GRTP1: variants seen among roughly 807,000 people sequenced by gnomAD.
GRTP1 encodes growth hormone-regulated TBC protein 1.
Under a neutral mutation model 38.1 loss-of-function variants are expected in GRTP1, and 56 were observed. The observed-to-expected ratio is 1.47, with a 90% CI of 1.19 to 1.84. The LOEUF (loss-of-function observed/expected upper bound fraction) is 1.84. Ranked by LOEUF, GRTP1 falls within the 40% of genes most tolerant of loss-of-function variation. The pLI is 0.00. For missense variants in GRTP1, 506 were observed against 453.9 expected (o/e 1.11, Z -1.04); for synonymous variants, 217 against 189.5 (o/e 1.14, Z -1.19).
chr13:113,350,120 G>A (rs1418514286), intron 4 of GRTP1, among the ~76,000 whole-genome samples: 1 of 152,052 alleles, frequency 6.6e-6, no homozygotes, highest in Non-Finnish European at 1.5e-5. Context: ...CCCTGCCCTC[G>A]GCGAGCTCAG....
intron 4 of GRTP1, among the ~76,000 whole-genome samples, chr13:113,350,081 C>T (rs1566435209): frequency 1.3e-5 from 2 of 152,108 alleles, no homozygotes; most frequent in Non-Finnish European, 2.9e-5. Context: ...TGGAAACCCT[C>T]GTGGAGGCCA....
chr13:113,332,845 G>C (rs1405927452), intron 5 of GRTP1, among the ~76,000 whole-genome samples: 6 of 152,208 alleles, frequency 3.9e-5, no homozygotes, highest in Admixed American at 3.3e-4. Context: ...AGGACTCAGG[G>C]GCCAACCAGA....
Position 113,347,600 on chromosome 13 carries a change from C to G in GRTP1, c.466-2641G>C, listed in dbSNP as rs1595499421. On this transcript the variant is annotated intron_variant, in intron 4 of 7. Coordinates refer to ENST00000375431, the MANE Select transcript of GRTP1 (RefSeq NM_024719.4). ...AGGACCTCTGTGGCTGAGAACAGAC[C>G]CGGGAGGACCTCTGTGGCTGAGAGC... Among the ~76,000 whole-genome samples the G allele has an allele frequency of 4.0e-5, 3 of 74,324 alleles. 1 individual carries two copies. Among genetic ancestry groups the G allele is most frequent in the Admixed American group, 3.3e-4 (3 of 9,026 alleles). The allele number at this position is 74,324 out of a possible 152,430, so 48.8% of individuals were successfully genotyped here. A position where few individuals can be genotyped will look rare whatever the true frequency, so the allele number is the denominator to read the frequency against.
At chr13:113,326,374 C>G (rs1459030226) in intron 5 of GRTP1, among the ~76,000 whole-genome samples, 9 of 662 alleles carry the variant, frequency 0.014, no homozygotes, top group East Asian at 0.059. Flanking sequence ...GAGGGTGGCG[C>G]GGTGGGGGGG....
intron 3 of GRTP1, among the ~76,000 whole-genome samples, chr13:113,352,337 T>TTA (rs369351829): frequency 1.9e-3 from 99 of 51,532 alleles, no homozygotes; most frequent in Non-Finnish European, 2.8e-3. Context: ...TATATATATT[T>TTA]TATATATATA....
Position 113,364,110 on chromosome 13 carries a change from C to T in GRTP1, c.-59G>A. The stretch of plus-strand genomic sequence containing the variant: ...CGGGTCCCAAGTTCGCCTCCCGGCT[C>T]CGGGGCGCTTAAGTCCTTCCGGCGG... On this transcript the variant is annotated 5_prime_UTR_variant, in exon 1 of 8. Coordinates refer to ENST00000375431, the MANE Select transcript of GRTP1 (RefSeq NM_024719.4). 1 of 1,208,940 alleles carries T rather than the reference C, an allele frequency of 8.3e-7. No homozygotes were observed. The highest frequency in any genetic ancestry group is 1.8e-5 in the African/African-American group (1 of 55,944). 74.9% of individuals were successfully genotyped at this position (1,208,940 alleles called of 1,614,324 possible). A position where few individuals can be genotyped will look rare whatever the true frequency, so the allele number is the denominator to read the frequency against.
intron 5 of GRTP1, among the ~76,000 whole-genome samples, chr13:113,328,156 G>A (rs527503852): frequency 1.0e-3 from 154 of 152,130 alleles, no homozygotes; most frequent in Non-Finnish European, 1.7e-3. Flanking sequence ...CTGGTCTCGC[G>A]CCGCTATCCC....
rs560934016 is a variant in GRTP1, at chr13:113,350,365, C to G, written c.465+484G>C. Among the ~76,000 whole-genome samples the G allele has an allele frequency of 2.6e-5, 4 of 152,224 alleles. No individual in the cohort carries two copies. In the South Asian group the frequency reaches 8.3e-4, roughly 32 times the overall value. On this transcript the variant is annotated intron_variant, in intron 4 of 7. Coordinates refer to ENST00000375431, the MANE Select transcript of GRTP1 (RefSeq NM_024719.4). Reference sequence around the variant, plus strand: ...GGGATGACAGTGTAGACAGCAGACACTCTGGGAGTGGCCTCAGAGGACGAC... The same window carrying G: ...GGGATGACAGTGTAGACAGCAGACAGTCTGGGAGTGGCCTCAGAGGACGAC...
In GRTP1 at chr13:113,349,926, C is replaced by T. The variant is rs1212348325; in HGVS notation, c.465+923G>A. On this transcript the variant is annotated intron_variant, in intron 4 of 7. Coordinates refer to ENST00000375431, the MANE Select transcript of GRTP1 (RefSeq NM_024719.4). The surrounding 1 kb of genome is among the most constrained non-coding windows in gnomAD (Gnocchi z 5.0). ...ATGTCCTTCCCTGTCCTCCTAGAAACGTTTAAGCCAGCCACAACCCCTAGG... is the reference window on the plus strand; with the variant it reads ...ATGTCCTTCCCTGTCCTCCTAGAAATGTTTAAGCCAGCCACAACCCCTAGG... 6.6e-6 allele frequency among the ~76,000 whole-genome samples: 1 copy of T among 152,040 alleles called. No homozygotes were observed. Among genetic ancestry groups the T allele is most frequent in the Non-Finnish European group, 1.5e-5 (1 of 68,012 alleles).
chr13:113,326,377 T>A (rs1017113150), intron 5 of GRTP1, among the ~76,000 whole-genome samples: 3 of 2,248 alleles, frequency 1.3e-3, no homozygotes, highest in African/African-American at 2.7e-3. Flanking sequence ...GGTGGCGCGG[T>A]GGGGGGGGGG....
intron 2 of GRTP1, 45 bp downstream of exon 2, chr13:113,363,717 A>AACCCACCAGCGCCCTCGGG: frequency 2.8e-5 from 42 of 1,525,444 alleles, no homozygotes; most frequent in Non-Finnish European, 3.1e-5. Flanking sequence ...GTCCCAGCCC[A>AACCCACCAGCGCCCTCGGG]ACCCACCTGC....
chr13:113,338,222 G>A (rs1208707688), intron 5 of GRTP1, among the ~76,000 whole-genome samples: 1 of 152,150 alleles, frequency 6.6e-6, no homozygotes. Context: ...TGCCTTGTTG[G>A]GATGGTGATT....
intron 5 of GRTP1, among the ~76,000 whole-genome samples, chr13:113,337,048 C>T (rs1418966948): frequency 5.9e-5 from 9 of 152,214 alleles, no homozygotes; most frequent in Non-Finnish European, 1.3e-4. Context: ...AATCCCGGCA[C>T]TTTGGAAGGC....
At chr13:113,331,516 G>A (rs986341937) in intron 5 of GRTP1, among the ~76,000 whole-genome samples, 4 of 152,154 alleles carry the variant, frequency 2.6e-5, no homozygotes, top group Non-Finnish European at 4.4e-5. Context: ...CCCACTGCCC[G>A]AGCCAGCCTC....
chr13:113,341,977 G>A (rs1030575930), intron 5 of GRTP1, among the ~76,000 whole-genome samples: 12 of 151,956 alleles, frequency 7.9e-5, no homozygotes, highest in African/African-American at 1.4e-4. Context: ...ATGGAGTCTC[G>A]CTCCGTCTTC....
intron 5 of GRTP1, among the ~76,000 whole-genome samples, chr13:113,344,632 G>A (rs2043071810): frequency 7.5e-6 from 1 of 133,704 alleles, no homozygotes; most frequent in South Asian, 2.4e-4. Flanking sequence ...AGAATCACTT[G>A]AACCCGGGAG....
At chr13:113,328,546 G>A (rs937023898) in intron 5 of GRTP1, among the ~76,000 whole-genome samples, 2 of 152,180 alleles carry the variant, frequency 1.3e-5, no homozygotes, top group South Asian at 4.1e-4. Flanking sequence ...TTGAGACAGG[G>A]TCTCACTCTG....
At position 113,348,110 on chromosome 13, in the gene GRTP1, C is replaced by A. The variant is rs1306229963; in HGVS notation, c.465+2739G>T. 6.6e-6 allele frequency among the ~76,000 whole-genome samples: 1 copy of A among 152,112 alleles called. No homozygotes were observed. Among genetic ancestry groups the A allele is most frequent in the Non-Finnish European group, 1.5e-5 (1 of 68,026 alleles). ...CAGTGCTACTGGACCTGGGAGAGGG[C>A]GACCATGTGGACAGTGTGGACACAT... On this transcript the variant is annotated intron_variant, in intron 4 of 7. Coordinates refer to ENST00000375431, the MANE Select transcript of GRTP1 (RefSeq NM_024719.4). The surrounding 1 kb of genome is among the most constrained non-coding windows in gnomAD (Gnocchi z 4.8).
At position 113,364,033 on chromosome 13, in the gene GRTP1, A is replaced by G; in HGVS notation, c.19T>C (p.Ser7Pro). Residue 7 changes from serine to proline, a missense_variant, in exon 1 of 8, where the codon TCG (serine) becomes CCG (proline). Coordinates refer to ENST00000375431, the MANE Select transcript of GRTP1 (RefSeq NM_024719.4). MQPAER[S>P]RVPRIDPYGF... Reference sequence around the variant, plus strand: ...CGCGCCACACACCTGGGGACCCGCGAGCGCTCGGCGGGCTGCATGCGGGGA... The same window carrying G: ...CGCGCCACACACCTGGGGACCCGCGGGCGCTCGGCGGGCTGCATGCGGGGA... The G allele has an allele frequency of 7.7e-7, 1 of 1,300,984 alleles. No homozygotes were observed. The highest frequency in any genetic ancestry group is 9.7e-7 in the Non-Finnish European group (1 of 1,028,898). The allele number at this position is 1,300,984 out of a possible 1,614,324, so 80.6% of individuals were successfully genotyped here.
Sources: gnomAD v4.1 joint callset for allele counts (sites outside exome capture counted in the v4.1 genomes callset) on GRCh38, gnomAD v4.1.1 for gene constraint, Gnocchi (gnomAD v3.1) non-coding constraint, MANE v1.5 for transcripts, NCBI Gene and HGNC (gene_info 2026-07-23, HGNC 2026-07-21) for gene names.